The following RUNX1 variants were observed in gnomAD, a reference collection of about 807,000 sequenced individuals.
RUNX1 encodes RUNX family transcription factor 1, also known as runt-related transcription factor 1.
Under a neutral mutation model 42.8 loss-of-function variants are expected in RUNX1, and 19 were observed. The ratio of observed to expected loss-of-function variants is 0.44; its 90% CI spans 0.31 to 0.65. RUNX1 has a LOEUF of 0.65. Ranked by LOEUF, RUNX1 falls within the 30% of genes least tolerant of loss-of-function variation. The pLI is 0.07. For synonymous variants in RUNX1, 271 were observed against 289.4 expected (o/e 0.94, Z 0.64); for missense variants, 528 against 672.0 (o/e 0.79, Z 2.37).
At chr21:34,862,543 G>A (rs921276558) in intron 5 of RUNX1, among the ~76,000 whole-genome samples, 1 of 152,186 alleles carries the variant, frequency 6.6e-6, no homozygotes, top group African/African-American at 2.4e-5. Flanking sequence ...GCTCTAGGGA[G>A]GATCCTTGCC....
intron 6 of RUNX1, among the ~76,000 whole-genome samples, chr21:34,835,378 G>A (rs1365066345): frequency 4.6e-5 from 7 of 152,102 alleles, no homozygotes; most frequent in African/African-American, 1.7e-4. Flanking sequence ...AGCTTCCCCA[G>A]GGGGCTCAGG....
At chr21:35,025,325 C>G (rs772598829) in intron 2 of RUNX1, among the ~76,000 whole-genome samples, 1 of 152,170 alleles carries the variant, frequency 6.6e-6, no homozygotes, top group African/African-American at 2.4e-5. Flanking sequence ...GGCCTGGCCC[C>G]GGCCCACTGA....
At position 34,791,513 on chromosome 21, in the gene RUNX1, AATC is replaced by A. The variant is rs796560082; in HGVS notation, c.*619_*621del. ...GTTAAATAAAACTTAAAGAAAAGGG[AATC>A]ATATTTCTTTCCATGGTCAAAGCAA... is the stretch of plus-strand genomic sequence containing the variant. On this transcript the variant is annotated 3_prime_UTR_variant, in exon 9 of 9. Transcript: ENST00000675419. 42 of 232,110 alleles carry A rather than the reference AATC, an allele frequency of 1.8e-4. No individual in the cohort carries two copies. The highest frequency in any genetic ancestry group is 9.3e-4 in the African/African-American group (42 of 45,402). The allele number at this position is 232,110 out of a possible 1,614,324, so 14.4% of individuals were successfully genotyped here. A position where few individuals can be genotyped will look rare whatever the true frequency, so the allele number is the denominator to read the frequency against.
rs1569061831 is a variant in RUNX1, at chr21:34,859,520, G to A, written c.567C>T (p.Tyr189=). Residue 189 remains tyrosine (Y), a synonymous_variant, in exon 6 of 9, where the codon TAC becomes TAT. Coordinates refer to ENST00000675419, the MANE Select transcript of RUNX1 (RefSeq NM_001754.5). ...VFTNPPQVAT[Y]HRAIKITVDG... ...CCACTGTGATTTTGATGGCTCTGTG[G>A]TAGGTGGCGACTTGCGGTGGGTTTG... 1 of 1,614,208 alleles carries A rather than the reference G, an allele frequency of 6.2e-7. No individual in the cohort carries two copies. The highest frequency in any genetic ancestry group is 1.1e-5 in the South Asian group (1 of 91,082).
chr21:34,795,040 C>G (rs1301371012), intron 8 of RUNX1, among the ~76,000 whole-genome samples: 1 of 152,192 alleles, frequency 6.6e-6, no homozygotes, highest in Non-Finnish European at 1.5e-5. Context: ...GGCTAGGACT[C>G]TCCTCTTTAT....
chr21:35,000,303 C>T (rs528156379), intron 2 of RUNX1, among the ~76,000 whole-genome samples: 2 of 145,646 alleles, frequency 1.4e-5, no homozygotes, highest in East Asian at 2.0e-4. Flanking sequence ...TGCAGTGGCG[C>T]AATCTCGGCT....
intron 2 of RUNX1, among the ~76,000 whole-genome samples, chr21:35,043,567 T>A (rs1015997973): frequency 1.3e-5 from 2 of 152,134 alleles, no homozygotes; most frequent in Non-Finnish European, 2.9e-5. Context: ...CTAAGAAGAT[T>A]TGTGATGTGT....
At chr21:34,895,054 TC>T (rs1191456686) in intron 2 of RUNX1, among the ~76,000 whole-genome samples, 6 of 151,818 alleles carry the variant, frequency 4.0e-5, no homozygotes, top group Admixed American at 3.3e-4. Context: ...TTCACTTTTA[TC>T]CCCCCCGTCT....
rs1364881952 is a variant in RUNX1 at position 34,930,107 on chromosome 21, T to A, written c.59-37144A>T. 7.6e-5 allele frequency among the ~76,000 whole-genome samples: 11 copies of A among 145,548 alleles called. No homozygotes were observed. The East Asian group carries it at 1.8e-3, about 23-fold the overall frequency. ...AAAGATATATATTTAAAAATAAATATATATATTTGAATTTAAATTAATGTC... is the reference window on the plus strand; with the variant it reads ...AAAGATATATATTTAAAAATAAATAAATATATTTGAATTTAAATTAATGTC... On this transcript the variant is annotated intron_variant, in intron 2 of 8. Transcript: ENST00000675419.
At chr21:34,841,240 C>T (rs1046095482) in intron 6 of RUNX1, among the ~76,000 whole-genome samples, 1 of 152,172 alleles carries the variant, frequency 6.6e-6, no homozygotes, top group Admixed American at 6.5e-5. Flanking sequence ...CCCTAAGCCT[C>T]TTAGAGGTGG....
At chr21:35,023,601 T>C (rs1476034419) in intron 2 of RUNX1, among the ~76,000 whole-genome samples, 1 of 152,208 alleles carries the variant, frequency 6.6e-6, no homozygotes, top group South Asian at 2.1e-4. Context: ...AGGGCTTCCC[T>C]GCACTTTGGT....
chr21:34,981,644 G>A (rs2058847143), intron 2 of RUNX1, among the ~76,000 whole-genome samples: 1 of 152,170 alleles, frequency 6.6e-6, no homozygotes, highest in African/African-American at 2.4e-5. Context: ...ATGGAATTCA[G>A]AATAATATTA....
intron 6 of RUNX1, among the ~76,000 whole-genome samples, chr21:34,835,444 C>A (rs888201249): frequency 3.3e-5 from 5 of 152,084 alleles, no homozygotes; most frequent in African/African-American, 1.2e-4. Context: ...GGATGGTGGG[C>A]CCCTCAGTGT....
At chr21:35,016,273 A>C (rs887058890) in intron 2 of RUNX1, among the ~76,000 whole-genome samples, 7 of 152,194 alleles carry the variant, frequency 4.6e-5, no homozygotes, top group African/African-American at 7.2e-5. Context: ...GTGTGACTGC[A>C]AGGTGAAGTG....
chr21:34,928,207 C>T (rs937318310), intron 2 of RUNX1, among the ~76,000 whole-genome samples: 2 of 152,122 alleles, frequency 1.3e-5, no homozygotes, highest in African/African-American at 4.8e-5. Flanking sequence ...GGCCACCACA[C>T]TGGAGAGTGT....
chr21:34,865,236 G>A (rs896207211), intron 5 of RUNX1, among the ~76,000 whole-genome samples: 10 of 151,804 alleles, frequency 6.6e-5, no homozygotes, highest in Admixed American at 2.6e-4. Context: ...AGGAGCTGGG[G>A]ATGAAGTAGG....
At chr21:34,832,568 T>C (rs1347782377) in intron 7 of RUNX1, among the ~76,000 whole-genome samples, 1 of 152,162 alleles carries the variant, frequency 6.6e-6, no homozygotes, top group Non-Finnish European at 1.5e-5. Context: ...TACACATGAA[T>C]AGATGATGTG....
chr21:34,922,687 G>A (rs879763096), intron 2 of RUNX1, among the ~76,000 whole-genome samples: 6 of 152,144 alleles, frequency 3.9e-5, no homozygotes, highest in Non-Finnish European at 7.4e-5. Flanking sequence ...GTCCCCCCTG[G>A]TGGTGAGGCC....
chr21:34,851,707 C>A (rs2057421216), intron 6 of RUNX1, among the ~76,000 whole-genome samples: 2 of 152,172 alleles, frequency 1.3e-5, no homozygotes, highest in South Asian at 4.1e-4. Flanking sequence ...TTGCGAGGGT[C>A]CAGACGGAAA....
Sources: gnomAD v4.1 joint callset for allele counts (sites outside exome capture counted in the v4.1 genomes callset) on GRCh38, gnomAD v4.1.1 for gene constraint, MANE v1.5 for transcripts, NCBI Gene and HGNC (gene_info 2026-07-23, HGNC 2026-07-21) for gene names.